Variants in GPC6 observed in about 807,000 individuals in gnomAD.
GPC6 encodes glypican 6.
Under a neutral mutation model 55.2 loss-of-function variants are expected in GPC6, and 14 were observed. That is an observed-to-expected ratio of 0.25 (90% CI 0.17 to 0.40). GPC6 has a LOEUF of 0.40. Ranked by LOEUF, GPC6 falls within the 10% of genes least tolerant of loss-of-function variation. The pLI is 1.00. For synonymous variants in GPC6, 278 were observed against 259.6 expected (o/e 1.07, Z -0.68); for missense variants, 641 against 708.5 (o/e 0.90, Z 1.08).
intron 6 of GPC6, among the ~76,000 whole-genome samples, chr13:94,327,319 T>C (rs1877175585): frequency 6.6e-6 from 1 of 152,148 alleles, no homozygotes; most frequent in Non-Finnish European, 1.5e-5. Flanking sequence ...AGATGATTAA[T>C]TACAGAGCAT....
chr13:94,193,889 T>C (rs1395692151), intron 4 of GPC6, among the ~76,000 whole-genome samples: 1 of 152,202 alleles, frequency 6.6e-6, no homozygotes. Flanking sequence ...AGATGTGGGC[T>C]TTCACATTAA....
chr13:94,362,952 C>T (rs1007392772), intron 6 of GPC6, among the ~76,000 whole-genome samples: 6 of 152,064 alleles, frequency 3.9e-5, no homozygotes, highest in Admixed American at 3.3e-4. Context: ...TATACATGTG[C>T]CATGGTGGTT....
intron 3 of GPC6, among the ~76,000 whole-genome samples, chr13:93,961,056 C>T (rs992512499): frequency 7.9e-5 from 12 of 152,100 alleles, no homozygotes; most frequent in Non-Finnish European, 1.5e-4. Flanking sequence ...CCTCGTGATC[C>T]GCCTGCCTTG....
In GPC6 at chr13:93,424,607, TATCATC is replaced by T. The variant is rs144005214; in HGVS notation, c.161-120640_161-120635del. Among the ~76,000 whole-genome samples, 29 of 151,646 alleles carry T rather than the reference TATCATC, an allele frequency of 1.9e-4. No homozygotes were observed. The South Asian group carries it at 4.6e-3, about 24-fold the overall frequency. ...GTAGCAGAAAATAGCAAATACATGG[TATCATC>T]ATCATCATCATCATCTTCATCATCA... On this transcript the variant is annotated intron_variant, in intron 1 of 8. Transcript: ENST00000377047.
At chr13:93,932,024 T>C (rs1036266083) in intron 3 of GPC6, among the ~76,000 whole-genome samples, 3 of 152,218 alleles carry the variant, frequency 2.0e-5, no homozygotes, top group Non-Finnish European at 4.4e-5. Flanking sequence ...ATCATAAACA[T>C]ACTTCAGATA....
rs138252947 is a variant in GPC6, at chr13:94,153,432, T to TAA, written c.877+125540_877+125541dup. Reference sequence around the variant, plus strand: ...TCTTGTAGGTAAACACAAAGTATGATAAATAGCAGCAAGTCTTTATGAAGC... The same window carrying TAA: ...TCTTGTAGGTAAACACAAAGTATGATAAAAATAGCAGCAAGTCTTTATGAAGC... On this transcript the variant is annotated intron_variant, in intron 4 of 8. Coordinates refer to ENST00000377047, the MANE Select transcript of GPC6 (RefSeq NM_005708.5). Among the ~76,000 whole-genome samples the TAA allele has an allele frequency of 5.5e-3, 836 of 152,252 alleles. 6 individuals are homozygous for TAA. Among genetic ancestry groups the TAA allele is most frequent in the African/African-American group, 0.02 (814 of 41,552 alleles).
intron 3 of GPC6, among the ~76,000 whole-genome samples, chr13:93,985,992 G>A (rs1881012848): frequency 6.6e-6 from 1 of 151,850 alleles, no homozygotes; most frequent in Non-Finnish European, 1.5e-5. Flanking sequence ...AATGACTGAA[G>A]GTTTTTTAGT....
intron 2 of GPC6, among the ~76,000 whole-genome samples, chr13:93,554,620 C>T (rs2139448248): frequency 6.6e-6 from 1 of 152,332 alleles, no homozygotes; most frequent in Non-Finnish European, 1.5e-5. Context: ...CCATATCATT[C>T]AGTAGTCACT....
At chr13:94,305,241 GCTCCT>G (rs1566655226) in intron 5 of GPC6, among the ~76,000 whole-genome samples, 6 of 152,152 alleles carry the variant, frequency 3.9e-5, no homozygotes, top group Non-Finnish European at 8.8e-5. Context: ...ACAAGGTTAG[GCTCCT>G]GCAAGCCACT....
intron 6 of GPC6, among the ~76,000 whole-genome samples, chr13:94,372,120 C>T (rs1040849168): frequency 1.3e-5 from 2 of 151,516 alleles, no homozygotes; most frequent in African/African-American, 4.9e-5. Flanking sequence ...TTCTTGCTTG[C>T]TTACTTTCTT....
At chr13:94,308,753 G>A (rs1876085640) in intron 6 of GPC6, among the ~76,000 whole-genome samples, 1 of 152,148 alleles carries the variant, frequency 6.6e-6, no homozygotes, top group Non-Finnish European at 1.5e-5. Context: ...AGCCCACTTT[G>A]CTCAGCTCCT....
chr13:93,908,950 C>T (rs1245907601), intron 3 of GPC6, among the ~76,000 whole-genome samples: 2 of 152,116 alleles, frequency 1.3e-5, no homozygotes, highest in South Asian at 2.1e-4. Context: ...TTACCCACTC[C>T]CTTCTCATCA....
intron 4 of GPC6, among the ~76,000 whole-genome samples, chr13:94,149,012 C>T (rs1887650262): frequency 6.6e-6 from 1 of 152,150 alleles, no homozygotes; most frequent in African/African-American, 2.4e-5. Flanking sequence ...TCTAACCATT[C>T]AGTTTATGCT....
chr13:94,073,027 A>T (rs1884791264), intron 4 of GPC6, among the ~76,000 whole-genome samples: 1 of 152,198 alleles, frequency 6.6e-6, no homozygotes, highest in Non-Finnish European at 1.5e-5. Context: ...AGATAGAGGA[A>T]AAAAAGATTA....
rs192439437 is a variant in GPC6, at chr13:93,894,317, T to C, written c.711+63772T>C. 4.6e-3 allele frequency among the ~76,000 whole-genome samples: 705 copies of C among 152,306 alleles called. 7 individuals carry two copies. The highest frequency in any genetic ancestry group is 0.016 in the African/African-American group (676 of 41,588). Reference sequence around the variant, plus strand: ...AAAAGAGAAGTTCTACACTTGTTTTTACTATTGGCTTTGTCATGGGATTAA... The same window carrying C: ...AAAAGAGAAGTTCTACACTTGTTTTCACTATTGGCTTTGTCATGGGATTAA... On this transcript the variant is annotated intron_variant, in intron 3 of 8. Coordinates refer to ENST00000377047, the MANE Select transcript of GPC6 (RefSeq NM_005708.5).
At chr13:94,032,217 T>C (rs1272804695) in intron 4 of GPC6, among the ~76,000 whole-genome samples, 1 of 152,190 alleles carries the variant, frequency 6.6e-6, no homozygotes, top group East Asian at 1.9e-4. Context: ...CTATATTGGG[T>C]AAGCTAGGCA....
At chr13:93,749,553 A>G (rs111514470) in intron 2 of GPC6, among the ~76,000 whole-genome samples, 14 of 152,114 alleles carry the variant, frequency 9.2e-5, no homozygotes, top group African/African-American at 3.1e-4. Flanking sequence ...TTTCAAACAG[A>G]TTACATTAAA....
intron 1 of GPC6, among the ~76,000 whole-genome samples, chr13:93,316,995 T>A (rs7339375): frequency 0.59 from 90,034 of 151,920 alleles, 26,886 homozygotes; most frequent in East Asian, 0.77. Context: ...CATTCTCATT[T>A]GCAAGTCAAT....
chr13:93,363,484 A>G (rs1486919476), intron 1 of GPC6, among the ~76,000 whole-genome samples: 5 of 151,966 alleles, frequency 3.3e-5, no homozygotes, highest in Non-Finnish European at 5.9e-5. Flanking sequence ...TTATGGCTGC[A>G]TAGTATTCCA....
Sources: allele counts gnomAD v4.1 joint callset (sites outside exome capture counted in the v4.1 genomes callset), GRCh38; gene constraint gnomAD v4.1.1; transcripts MANE v1.5; gene names NCBI Gene and HGNC (gene_info 2026-07-23, HGNC 2026-07-21).